GSG1L2: variants seen among roughly 807,000 people sequenced by gnomAD.
The protein encoded by GSG1L2 is germ cell-specific gene 1-like protein 2.
GSG1L2 carries 15 observed loss-of-function variants against 9.0 expected under a neutral mutation model. That is an observed-to-expected ratio of 1.67 (90% CI 1.12 to 2.57). The LOEUF is 2.57. GSG1L2 is among the 30% of genes most tolerant of loss of function. The pLI is 0.00. For missense variants in GSG1L2, 286 were observed against 150.3 expected (o/e 1.90, Z -4.72); for synonymous variants, 127 against 57.9 (o/e 2.19, Z -5.41).
chr17:9,812,838 A>G (rs77771744), intron 1 of GSG1L2, among the ~76,000 whole-genome samples: 27,527 of 152,118 alleles, frequency 0.18, 2,815 homozygotes, highest in East Asian at 0.36. Context: ...CCTGGGCTCA[A>G]GCAATCTGCC....
At chr17:9,805,329 G>A (rs1054707682) in intron 4 of GSG1L2, 8 of 151,670 alleles carry the variant, frequency 5.3e-5, no homozygotes, top group Admixed American at 2.0e-4. Context: ...CTCGCCAAAG[G>A]ACATCATCAT....
chr17:9,814,657 A>G (rs2066552657), intron 1 of GSG1L2, among the ~76,000 whole-genome samples: 1 of 152,232 alleles, frequency 6.6e-6, no homozygotes. Flanking sequence ...CAGAAGGATT[A>G]AAAGAAAAAA....
Position 9,821,983 on chromosome 17 carries a change from T to A in GSG1L2, c.89A>T (p.His30Leu). The A allele has an allele frequency of 1.4e-6, 1 of 703,082 alleles. No individual in the cohort carries two copies. The highest frequency in any genetic ancestry group is 1.5e-5 in the South Asian group (1 of 67,610). The allele number at this position is 703,082 out of a possible 1,614,324, so 43.6% of individuals were successfully genotyped here. The change falls in exon 1 of 5, where the codon CAC (histidine) becomes CTC (leucine). Residue 30 changes from histidine (H) to leucine (L), a missense_variant. Transcript: ENST00000399363. ...CACCCGTCGGGTCCCCTCACACCAGTGGCTGCTGACCACGGCGGTGAGGGA... is the reference window on the plus strand; with the variant it reads ...CACCCGTCGGGTCCCCTCACACCAGAGGCTGCTGACCACGGCGGTGAGGGA... ...TFSLTAVVSS[H>L]WCEGTRRVVK...
chr17:9,816,726 T>C (rs569649447), intron 1 of GSG1L2, among the ~76,000 whole-genome samples: 2 of 140,304 alleles, frequency 1.4e-5, no homozygotes, highest in South Asian at 4.7e-4. Flanking sequence ...TATCTGTGTC[T>C]GTGTGTGCAT....
At position 9,818,643 on chromosome 17, in the gene GSG1L2, A is replaced by G. The variant is rs376166031; in HGVS notation, c.310+3119T>C. On this transcript the variant is annotated intron_variant, in intron 1 of 4. Coordinates refer to ENST00000399363, the MANE Select transcript of GSG1L2 (RefSeq NM_001310219.2). ...AGTGCTGGGATTACAGGTGTGAGCC[A>G]CCACGCCCTTTCCAACGACCAGATC... is the stretch of plus-strand genomic sequence containing the variant. Among the ~76,000 whole-genome samples the G allele has an allele frequency of 1.7e-4, 25 of 151,202 alleles. No individual in the cohort carries two copies. The East Asian group carries it at 4.5e-3, about 27-fold the overall frequency.
chr17:9,815,109 T>C (rs2066554331), intron 1 of GSG1L2, among the ~76,000 whole-genome samples: 1 of 152,032 alleles, frequency 6.6e-6, no homozygotes, highest in Admixed American at 6.5e-5. Context: ...TTCAGGTGGC[T>C]GGGTGCGGTG....
intron 1 of GSG1L2, among the ~76,000 whole-genome samples, chr17:9,812,073 C>T (rs1309587536): frequency 6.6e-6 from 1 of 152,228 alleles, no homozygotes; most frequent in East Asian, 1.9e-4. Flanking sequence ...AAACTTCTAT[C>T]ACAGTTCATA....
chr17:9,816,480 G>T (rs1202202780), intron 1 of GSG1L2, among the ~76,000 whole-genome samples: 1 of 146,848 alleles, frequency 6.8e-6, no homozygotes, highest in Non-Finnish European at 1.5e-5. Context: ...GCGTGTCTGT[G>T]TGTGTGCATG....
At chr17:9,804,478 A>C (rs1434806270) in intron 4 of GSG1L2, 3 of 152,210 alleles carry the variant, frequency 2.0e-5, no homozygotes. Context: ...TTGTATGGAA[A>C]TCTGCACAGG....
chr17:9,808,521 A>G (rs1039062351), intron 3 of GSG1L2, among the ~76,000 whole-genome samples: 10 of 152,066 alleles, frequency 6.6e-5, no homozygotes, highest in Non-Finnish European at 1.5e-4. Flanking sequence ...CCCTCCACAG[A>G]CTCATGCCTA....
At chr17:9,809,445 C>T (rs191233015) in intron 2 of GSG1L2, 71 of 172,436 alleles carry the variant, frequency 4.1e-4, no homozygotes, top group Admixed American at 3.2e-3. Context: ...AGTGAAAGGA[C>T]GAACACTCCA....
At chr17:9,805,965 G>A (rs756737881) in intron 4 of GSG1L2, among the ~76,000 whole-genome samples, 52 of 152,274 alleles carry the variant, frequency 3.4e-4, no homozygotes, top group Admixed American at 9.8e-4. Flanking sequence ...ACTTGGGGCA[G>A]CTCCTATCCA....
At chr17:9,816,629 ATGTCTGTGTG>A (rs2066564424) in intron 1 of GSG1L2, among the ~76,000 whole-genome samples, 1 of 77,960 alleles carries the variant, frequency 1.3e-5, no homozygotes, top group African/African-American at 5.2e-5. Flanking sequence ...TCTGTTTTGC[ATGTCTGTGTG>A]CGTGTCTGTG....
chr17:9,802,237 T>G lies in GSG1L2; in HGVS notation c.*149A>C. 1.8e-6 allele frequency: 1 copy of G among 544,228 alleles called. No homozygotes were observed. The highest frequency in any genetic ancestry group is 3.3e-6 in the Non-Finnish European group (1 of 305,970). 33.7% of individuals were successfully genotyped at this position (544,228 alleles called of 1,614,324 possible). A position where few individuals can be genotyped will look rare whatever the true frequency, so the allele number is the denominator to read the frequency against. On this transcript the variant is annotated 3_prime_UTR_variant, in exon 5 of 5. Coordinates refer to ENST00000399363, the MANE Select transcript of GSG1L2 (RefSeq NM_001310219.2). ...GAATCAAAGGCTAAAGCCAAAGGTG[T>G]TTAGTAAAAGGTGAGATGTGGAGGG...
chr17:9,809,002 T>G lies in GSG1L2; in HGVS notation c.359-20A>C. On this transcript the variant is annotated intron_variant, in intron 2 of 4. Transcript: ENST00000399363. Reference sequence around the variant, plus strand: ...AAACACCTGCCAAAGAACGGGATGTTGGAAACGCTGGACACTTCTAATTCA... The same window carrying G: ...AAACACCTGCCAAAGAACGGGATGTGGGAAACGCTGGACACTTCTAATTCA... 1 of 702,878 alleles carries G rather than the reference T, an allele frequency of 1.4e-6. No homozygotes were observed. Among genetic ancestry groups the G allele is most frequent in the Non-Finnish European group, 2.6e-6 (1 of 384,852 alleles). 43.5% of individuals were successfully genotyped at this position (702,878 alleles called of 1,614,324 possible).
At chr17:9,809,166 A>G (rs1433631361) in intron 2 of GSG1L2, 184 bp from the exon 3 acceptor site, 2 of 571,622 alleles carry the variant, frequency 3.5e-6, no homozygotes, top group South Asian at 2.0e-5. Flanking sequence ...GGGCTGAAAG[A>G]GACGGTTGTA....
In GSG1L2 at chr17:9,806,284, G is replaced by C. The variant is rs2066515926; in HGVS notation, c.623+1206C>G. Among the ~76,000 whole-genome samples, 4 of 151,976 alleles carry C rather than the reference G, an allele frequency of 2.6e-5. No homozygotes were observed. The South Asian group carries it at 8.3e-4, about 32-fold the overall frequency. ...GAGCTGTTCTCCCACCTCCTTATTGGGCTGCCCTGTGAATAAATGTTTTAT... is the reference window on the plus strand; with the variant it reads ...GAGCTGTTCTCCCACCTCCTTATTGCGCTGCCCTGTGAATAAATGTTTTAT... On this transcript the variant is annotated intron_variant, in intron 4 of 4. Transcript: ENST00000399363.
chr17:9,810,885 C>T, intron 1 of GSG1L2: 1 of 498,688 alleles, frequency 2.0e-6, no homozygotes, highest in Non-Finnish European at 3.6e-6. Context: ...TGTCTTTTCC[C>T]TTGGTTCCTG....
rs1387911997 is a variant in GSG1L2, at chr17:9,820,373, G to GT, written c.310+1388dup. 6.6e-6 allele frequency among the ~76,000 whole-genome samples: 1 copy of GT among 152,206 alleles called. No individual in the cohort carries two copies. Among genetic ancestry groups the GT allele is most frequent in the East Asian group, 1.9e-4 (1 of 5,192 alleles). On this transcript the variant is annotated intron_variant, in intron 1 of 4. Coordinates refer to ENST00000399363, the MANE Select transcript of GSG1L2 (RefSeq NM_001310219.2). This position sits in a 1 kb window ranked among gnomAD's most constrained non-coding sequence, Gnocchi z 4.9. ...GTTTCCAAACCAAAATTCTGGAAGTGTTTTGGAAATCCTCCAGGATGCAGG... is the reference window on the plus strand; with the variant it reads ...GTTTCCAAACCAAAATTCTGGAAGTGTTTTTGGAAATCCTCCAGGATGCAGG...
Sources: gnomAD v4.1 joint callset for allele counts (sites outside exome capture counted in the v4.1 genomes callset) on GRCh38, gnomAD v4.1.1 for gene constraint, Gnocchi (gnomAD v3.1) non-coding constraint, MANE v1.5 for transcripts, NCBI Gene and HGNC (gene_info 2026-07-23, HGNC 2026-07-21) for gene names.